Variants in STAC observed in about 807,000 individuals in gnomAD.
STAC encodes the protein SH3 and cysteine-rich domain-containing protein.
In STAC, 43 loss-of-function variants were observed where a neutral mutation model predicts 48.8. The ratio of observed to expected loss-of-function variants is 0.88; its 90% CI spans 0.69 to 1.14. The LOEUF (loss-of-function observed/expected upper bound fraction) is 1.14. Among genes scored for constraint, STAC ranks in the 50% most tolerant of loss-of-function variants. The pLI is 0.00. For synonymous variants in STAC, 193 were observed against 179.5 expected, an observed-to-expected ratio of 1.07 and a Z score of -0.60; for missense variants, 497 against 504.0, an observed-to-expected ratio of 0.99 and a Z score of 0.13.
intron 6 of STAC, among the ~76,000 whole-genome samples, chr3:36,497,275 T>C (rs1698173102): frequency 6.6e-6 from 1 of 152,324 alleles, no homozygotes; most frequent in African/African-American, 2.4e-5. Context: ...GAACAGAAGA[T>C]TCCCTTTCCA....
At chr3:36,536,846 A>G (rs1280401943) in intron 10 of STAC, among the ~76,000 whole-genome samples, 4 of 151,826 alleles carry the variant, frequency 2.6e-5, no homozygotes, top group Non-Finnish European at 5.9e-5. Context: ...ACAAGAAAAC[A>G]AAAAACAAAA....
intron 2 of STAC, among the ~76,000 whole-genome samples, chr3:36,467,554 T>C (rs1697213740): frequency 6.6e-6 from 1 of 152,130 alleles, no homozygotes; most frequent in East Asian, 1.9e-4. Context: ...GTTTTATATT[T>C]TCCTGGTTTA....
At chr3:36,494,649 C>A (rs111594362) in intron 6 of STAC, among the ~76,000 whole-genome samples, 26 of 152,194 alleles carry the variant, frequency 1.7e-4, no homozygotes, top group African/African-American at 4.8e-4. Flanking sequence ...CCATGCCCCC[C>A]CTTGCCAGAC....
intron 3 of STAC, among the ~76,000 whole-genome samples, chr3:36,484,160 A>G (rs556077975): frequency 6.6e-6 from 1 of 152,286 alleles, no homozygotes; most frequent in African/African-American, 2.4e-5. Flanking sequence ...AGATCAGTGG[A>G]TACTAAGTCT....
At chr3:36,477,432 T>G (rs971480763) in intron 2 of STAC, among the ~76,000 whole-genome samples, 4 of 152,170 alleles carry the variant, frequency 2.6e-5, no homozygotes, top group Non-Finnish European at 5.9e-5. Flanking sequence ...CTTATCAAAA[T>G]GAGTCCAGCC....
At chr3:36,453,160 A>G (rs566545192) in intron 2 of STAC, among the ~76,000 whole-genome samples, 3 of 152,354 alleles carry the variant, frequency 2.0e-5, no homozygotes, top group Admixed American at 6.5e-5. Flanking sequence ...CTTACTATGC[A>G]TATGAGAGGT....
chr3:36,485,925 G>T (rs1697797521), intron 4 of STAC: 1 of 502,700 alleles, frequency 2.0e-6, no homozygotes, highest in African/African-American at 1.9e-5. Flanking sequence ...AGTACTAGCT[G>T]GTACATGGCA....
chr3:36,508,844 C>T (rs1698467987), intron 8 of STAC, among the ~76,000 whole-genome samples: 1 of 152,140 alleles, frequency 6.6e-6, no homozygotes, highest in Non-Finnish European at 1.5e-5. Context: ...GAACAAAGCA[C>T]ACCGATGGGT....
At chr3:36,385,730 G>C (rs1228277524) in intron 1 of STAC, among the ~76,000 whole-genome samples, 2 of 151,976 alleles carry the variant, frequency 1.3e-5, no homozygotes, top group African/African-American at 4.8e-5. Context: ...GCTCATTTCT[G>C]AACTTTTGAT....
chr3:36,524,454 T>C (rs115734396), intron 8 of STAC, among the ~76,000 whole-genome samples: 1,862 of 152,122 alleles, frequency 0.012, 18 homozygotes, highest in Non-Finnish European at 0.018. Context: ...CAGCCAGGCA[T>C]GGTAGCGGGC....
chr3:36,545,240 A>G (rs1164979362), intron 10 of STAC, among the ~76,000 whole-genome samples: 3 of 152,220 alleles, frequency 2.0e-5, no homozygotes, highest in African/African-American at 7.2e-5. Flanking sequence ...GGGGTTCAAA[A>G]GTCTGAAACC....
intron 1 of STAC, among the ~76,000 whole-genome samples, chr3:36,404,361 C>A (rs992181050): frequency 6.6e-6 from 1 of 152,180 alleles, no homozygotes; most frequent in Non-Finnish European, 1.5e-5. Flanking sequence ...GGCACATTCT[C>A]TTCCCGTGTA....
intron 1 of STAC, among the ~76,000 whole-genome samples, chr3:36,382,178 T>A (rs1242031116): frequency 2.0e-5 from 3 of 152,210 alleles, no homozygotes; most frequent in Non-Finnish European, 4.4e-5. Flanking sequence ...TTGCCTCCCA[T>A]TGAACATCAG....
intron 6 of STAC, among the ~76,000 whole-genome samples, chr3:36,499,362 T>C (rs943054108): frequency 1.3e-5 from 2 of 152,188 alleles, no homozygotes; most frequent in Non-Finnish European, 2.9e-5. Context: ...AGATTATGTA[T>C]TGCTTGGGAG....
intron 1 of STAC, among the ~76,000 whole-genome samples, chr3:36,393,270 G>A (rs1699789675): frequency 6.6e-6 from 1 of 151,944 alleles, no homozygotes; most frequent in African/African-American, 2.4e-5. Flanking sequence ...TTACTTCTTT[G>A]CAAACACCCT....
intron 1 of STAC, among the ~76,000 whole-genome samples, chr3:36,426,250 G>C (rs952236237): frequency 1.3e-5 from 2 of 152,006 alleles, no homozygotes; most frequent in Admixed American, 1.3e-4. Context: ...TTAATTATTA[G>C]GAGGAAGCAA....
intron 2 of STAC, among the ~76,000 whole-genome samples, chr3:36,473,650 C>T (rs1697404398): frequency 6.6e-6 from 1 of 152,292 alleles, no homozygotes; most frequent in South Asian, 2.1e-4. Flanking sequence ...ACCACTCCGC[C>T]ATGGTGTCTT....
intron 8 of STAC, among the ~76,000 whole-genome samples, chr3:36,514,212 T>TTTC (rs1200679219): frequency 6.7e-5 from 8 of 120,092 alleles, no homozygotes; most frequent in African/African-American, 2.0e-4. Context: ...TTCTTTTTTT[T>TTTC]TTTTTTTTTT....
At chr3:36,384,191 T>C (rs1385557613) in intron 1 of STAC, among the ~76,000 whole-genome samples, 2 of 152,222 alleles carry the variant, frequency 1.3e-5, no homozygotes, top group Non-Finnish European at 2.9e-5. Flanking sequence ...TTTCTCCTAC[T>C]GACTTATTGA....
Sources: allele counts gnomAD v4.1 joint callset (sites outside exome capture counted in the v4.1 genomes callset), GRCh38; gene constraint gnomAD v4.1.1; transcripts MANE v1.5; gene names NCBI Gene and HGNC (gene_info 2026-07-23, HGNC 2026-07-21).